KHDRBS2: variants seen among roughly 807,000 people sequenced by gnomAD.
KHDRBS2 encodes KH RNA binding domain containing, signal transduction associated 2, also known as KH domain-containing, RNA-binding, signal transduction-associated protein 2.
Under a neutral mutation model 44.3 loss-of-function variants are expected in KHDRBS2, and 26 were observed. That is an observed-to-expected ratio of 0.59 (90% CI 0.43 to 0.81). The LOEUF (loss-of-function observed/expected upper bound fraction) is 0.81, where lower values mean the gene tolerates loss of function less well. KHDRBS2 is among the 40% of genes least tolerant of loss of function. The pLI is 0.00. For synonymous variants in KHDRBS2, 194 were observed against 151.1 expected, an observed-to-expected ratio of 1.28 and a Z score of -2.08; for missense variants, 476 against 433.1, an observed-to-expected ratio of 1.10 and a Z score of -0.88.
At chr6:61,790,645 T>C (rs562439133) in intron 6 of KHDRBS2, among the ~76,000 whole-genome samples, 1 of 151,720 alleles carries the variant, frequency 6.6e-6, no homozygotes, top group African/African-American at 2.4e-5. Context: ...TTACATGATA[T>C]ATTTTCTTTT....
At chr6:61,568,949 A>G in the KHDRBS2 span, among the ~76,000 whole-genome samples, 3 of 121,732 alleles carry the variant, frequency 2.5e-5, no homozygotes, top group Admixed American at 2.5e-4. Flanking sequence ...ACTACTGCAG[A>G]TATAAGCATA....
chr6:61,927,239 C>A (rs1323944656), intron 4 of KHDRBS2, among the ~76,000 whole-genome samples: 1 of 151,938 alleles, frequency 6.6e-6, no homozygotes, highest in African/African-American at 2.4e-5. Context: ...ATGGAAAGTA[C>A]AACTTTGGCA....
rs548059090 is a variant in KHDRBS2 at position 61,720,116 on chromosome 6, T to G, written c.893+12566A>C. Among the ~76,000 whole-genome samples the G allele has an allele frequency of 2.0e-5, 3 of 152,358 alleles. No individual in the cohort carries two copies. The South Asian group carries it at 6.2e-4, about 32-fold the overall frequency. On this transcript the variant is annotated intron_variant, in intron 7 of 8. Transcript: ENST00000281156. ...CTACAAAGGACATGAACTCATCATT[T>G]TTATGGCTGCATAGTATTTCAAGGT...
intron 6 of KHDRBS2, among the ~76,000 whole-genome samples, chr6:61,851,365 T>C (rs999436750): frequency 2.6e-5 from 4 of 152,102 alleles, no homozygotes; most frequent in African/African-American, 9.7e-5. Flanking sequence ...TTGGCATCTG[T>C]ATGTTGTTTG....
chr6:61,614,310 T>G, the KHDRBS2 span, among the ~76,000 whole-genome samples: 1 of 152,152 alleles, frequency 6.6e-6, no homozygotes, highest in Non-Finnish European at 1.5e-5. Flanking sequence ...ACATAAATAG[T>G]CATGCTGACT....
rs148519834 is a variant in KHDRBS2 at position 62,033,775 on chromosome 6, C to A, written c.336+14103G>T. 5.0e-3 allele frequency among the ~76,000 whole-genome samples: 749 copies of A among 151,036 alleles called. 6 individuals are homozygous for A. Among genetic ancestry groups the A allele is most frequent in the African/African-American group, 0.017 (712 of 41,242 alleles). ...GCTGAGGCAGGAGAACTGCTTGAACCCATCATCAAGAGAGCAGAAATAATT... is the reference window on the plus strand; with the variant it reads ...GCTGAGGCAGGAGAACTGCTTGAACACATCATCAAGAGAGCAGAAATAATT... On this transcript the variant is annotated intron_variant, in intron 3 of 8. Coordinates refer to ENST00000281156, the MANE Select transcript of KHDRBS2 (RefSeq NM_152688.4).
At chr6:61,638,494 A>G in the KHDRBS2 span, among the ~76,000 whole-genome samples, 2 of 152,192 alleles carry the variant, frequency 1.3e-5, no homozygotes, top group African/African-American at 2.4e-5. Context: ...TACACCTTAT[A>G]CAAAAATCAA....
chr6:61,799,960 C>T lies in KHDRBS2; in HGVS notation c.811-67196G>A, dbSNP rs553496475. ...ACATGATATCTAAGTTATATATATG[C>T]TAGTATTCATATATACACATTATAT... On this transcript the variant is annotated intron_variant, in intron 6 of 8. Transcript: ENST00000281156. 2.0e-5 allele frequency among the ~76,000 whole-genome samples: 3 copies of T among 152,062 alleles called. No homozygotes were observed. The South Asian group carries it at 6.2e-4, about 32-fold the overall frequency.
At chr6:61,589,817 T>C in the KHDRBS2 span, among the ~76,000 whole-genome samples, 3 of 152,338 alleles carry the variant, frequency 2.0e-5, no homozygotes, top group East Asian at 5.8e-4. Context: ...CTTGGAGTTT[T>C]ATTTCCCTTA....
chr6:62,042,598 G>A (rs1174572074), intron 3 of KHDRBS2, among the ~76,000 whole-genome samples: 1 of 152,106 alleles, frequency 6.6e-6, no homozygotes, highest in Non-Finnish European at 1.5e-5. Context: ...CTATTATGCT[G>A]TTTGATGTTA....
chr6:61,583,919 G>GTA, the KHDRBS2 span, among the ~76,000 whole-genome samples: 148 of 151,110 alleles, frequency 9.8e-4, no homozygotes, highest in Admixed American at 3.6e-3. Flanking sequence ...GCTATCTTAT[G>GTA]TATATATATA....
At chr6:61,731,259 A>T (rs972140412) in intron 7 of KHDRBS2, among the ~76,000 whole-genome samples, 1 of 151,592 alleles carries the variant, frequency 6.6e-6, no homozygotes, top group African/African-American at 2.4e-5. Context: ...AACTTACCCT[A>T]AGCCTAAATG....
At chr6:61,565,106 G>A in the KHDRBS2 span, among the ~76,000 whole-genome samples, 1 of 152,054 alleles carries the variant, frequency 6.6e-6, no homozygotes, top group Non-Finnish European at 1.5e-5. Context: ...AGGAAAACTG[G>A]ATATCCAAAT....
chr6:61,891,258 C>G (rs1353729416), intron 6 of KHDRBS2, among the ~76,000 whole-genome samples: 2 of 152,176 alleles, frequency 1.3e-5, no homozygotes, highest in African/African-American at 4.8e-5. Context: ...AATGATCTGG[C>G]TTGCATCAGT....
At chr6:62,129,886 C>T (rs1435343691) in intron 2 of KHDRBS2, among the ~76,000 whole-genome samples, 1 of 151,974 alleles carries the variant, frequency 6.6e-6, no homozygotes, top group Non-Finnish European at 1.5e-5. Flanking sequence ...GCAATTATCA[C>T]CTGTAGGCAA....
At chr6:61,811,738 A>T (rs1788153383) in intron 6 of KHDRBS2, among the ~76,000 whole-genome samples, 1 of 152,034 alleles carries the variant, frequency 6.6e-6, no homozygotes, top group African/African-American at 2.4e-5. Context: ...TATTCCCAAG[A>T]TTAAACACAT....
At chr6:61,966,920 A>G (rs542698121) in intron 4 of KHDRBS2, among the ~76,000 whole-genome samples, 1 of 152,028 alleles carries the variant, frequency 6.6e-6, no homozygotes, top group African/African-American at 2.4e-5. Context: ...TAATCCTAAA[A>G]ATGAGCCTAA....
chr6:62,213,195 A>G (rs1012887139), intron 1 of KHDRBS2, among the ~76,000 whole-genome samples: 2 of 152,222 alleles, frequency 1.3e-5, no homozygotes, highest in Admixed American at 6.5e-5. Flanking sequence ...TGATTATAAG[A>G]TAAGTACCTT....
At chr6:61,641,582 A>G in the KHDRBS2 span, among the ~76,000 whole-genome samples, 22 of 152,272 alleles carry the variant, frequency 1.4e-4, no homozygotes, top group Non-Finnish European at 2.6e-4. Flanking sequence ...CTTACTCTGT[A>G]AGAATCTATA....
Sources: allele counts gnomAD v4.1 joint callset (sites outside exome capture counted in the v4.1 genomes callset), GRCh38; gene constraint gnomAD v4.1.1; transcripts MANE v1.5; gene names NCBI Gene and HGNC (gene_info 2026-07-23, HGNC 2026-07-21).